MYRIP: variants seen among roughly 807,000 people sequenced by gnomAD.
MYRIP encodes myosin VIIA and Rab interacting protein.
In MYRIP, 49 loss-of-function variants were observed where a neutral mutation model predicts 98.0. The observed-to-expected ratio is 0.50, with a 90% CI of 0.40 to 0.63. MYRIP has a LOEUF of 0.63. Ranked by LOEUF, MYRIP falls within the 30% of genes least tolerant of loss-of-function variation. MYRIP has a pLI of 0.00. For synonymous variants in MYRIP, 404 were observed against 409.5 expected (o/e 0.99, Z 0.16); for missense variants, 1,004 against 1,058.2 (o/e 0.95, Z 0.71).
intron 11 of MYRIP, among the ~76,000 whole-genome samples, chr3:40,212,758 G>T (rs1951999524): frequency 6.6e-6 from 1 of 151,518 alleles, no homozygotes; most frequent in Non-Finnish European, 1.5e-5. Context: ...AAATATATAA[G>T]TAAATAAAAA....
intron 2 of MYRIP, among the ~76,000 whole-genome samples, chr3:39,926,125 A>G (rs1490935956): frequency 6.6e-6 from 1 of 152,012 alleles, no homozygotes. Flanking sequence ...GGTTGCTTGT[A>G]TGTCGTCTTT....
intron 2 of MYRIP, among the ~76,000 whole-genome samples, chr3:39,969,221 TG>T (rs1158197036): frequency 6.6e-6 from 1 of 152,218 alleles, no homozygotes; most frequent in East Asian, 1.9e-4. Flanking sequence ...GGAGGAGTTT[TG>T]GGGCCGAGAC....
chr3:39,930,604 C>A (rs1207273837), intron 2 of MYRIP, among the ~76,000 whole-genome samples: 1 of 151,862 alleles, frequency 6.6e-6, no homozygotes, highest in Non-Finnish European at 1.5e-5. Context: ...ATTGCCTATC[C>A]AAGGTTGTAA....
chr3:40,196,169 G>A (rs186254589), intron 10 of MYRIP, among the ~76,000 whole-genome samples: 1 of 149,422 alleles, frequency 6.7e-6, no homozygotes, highest in East Asian at 2.0e-4. Flanking sequence ...TTTTTTTACT[G>A]GTGTCTTTGA....
chr3:39,977,643 T>C (rs971835383), intron 2 of MYRIP, among the ~76,000 whole-genome samples: 1 of 152,130 alleles, frequency 6.6e-6, no homozygotes, highest in Non-Finnish European at 1.5e-5. Flanking sequence ...AATGGAGATC[T>C]CCATAAAACT....
At chr3:39,945,505 A>G (rs1184617497) in intron 2 of MYRIP, among the ~76,000 whole-genome samples, 1 of 150,868 alleles carries the variant, frequency 6.6e-6, no homozygotes, top group Non-Finnish European at 1.5e-5. Flanking sequence ...AAAAGAAAAA[A>G]AAAGAATGTA....
chr3:39,901,390 A>G (rs893461109), intron 2 of MYRIP, among the ~76,000 whole-genome samples: 1 of 152,188 alleles, frequency 6.6e-6, no homozygotes, highest in Non-Finnish European at 1.5e-5. Flanking sequence ...CCAGGCTGGG[A>G]TGGGATCACC....
intron 10 of MYRIP, among the ~76,000 whole-genome samples, chr3:40,193,228 T>C (rs927034065): frequency 2.6e-5 from 4 of 152,148 alleles, no homozygotes; most frequent in African/African-American, 7.2e-5. Flanking sequence ...ATTGTAGAAG[T>C]CTATCCAGGG....
At chr3:39,942,249 G>A (rs1281087850) in intron 2 of MYRIP, among the ~76,000 whole-genome samples, 2 of 152,098 alleles carry the variant, frequency 1.3e-5, no homozygotes, top group Non-Finnish European at 2.9e-5. Flanking sequence ...AGTTTCCTTT[G>A]ATCCCATTGT....
chr3:40,110,587 C>A (rs1378579363), intron 3 of MYRIP, among the ~76,000 whole-genome samples: 2 of 152,188 alleles, frequency 1.3e-5, no homozygotes, highest in Non-Finnish European at 1.5e-5. Flanking sequence ...CCTGGGGATA[C>A]AACACCTCCC....
chr3:39,809,039 T>C (rs1412714942), upstream of MYRIP: 1 of 152,298 alleles, frequency 6.6e-6, no homozygotes, highest in East Asian at 1.9e-4. Flanking sequence ...AGTAAATTTA[T>C]GGGAGAATTA....
intron 2 of MYRIP, among the ~76,000 whole-genome samples, chr3:40,023,730 C>G (rs542003676): frequency 6.6e-6 from 1 of 152,180 alleles, no homozygotes; most frequent in East Asian, 1.9e-4. Context: ...TTCCAGCCCC[C>G]TGTGCTACAC....
rs1201565731 is a variant in MYRIP at position 39,809,877 on chromosome 3, T to C, written c.-70T>C. The stretch of plus-strand genomic sequence containing the variant: ...GTGGCCTGAGCCCGGCCGCCATCGA[T>C]GACCCCGGTCGCGGACTTGCTTCAG... On this transcript the variant is annotated 5_prime_UTR_variant, in exon 1 of 17. It removes an upstream start codon present in the reference 5' UTR. Transcript: ENST00000302541. 3 of 152,392 alleles carry C rather than the reference T, an allele frequency of 2.0e-5. No homozygotes were observed. The highest frequency in any genetic ancestry group is 2.9e-5 in the Non-Finnish European group (2 of 68,178). The allele number at this position is 152,392 out of a possible 1,614,324, so 9.4% of individuals were successfully genotyped here. A position where few individuals can be genotyped will look rare whatever the true frequency, so the allele number is the denominator to read the frequency against.
chr3:40,095,930 C>T (rs1948821720), intron 3 of MYRIP, among the ~76,000 whole-genome samples: 1 of 151,552 alleles, frequency 6.6e-6, no homozygotes, highest in African/African-American at 2.4e-5. Context: ...TTTTTTCTCA[C>T]ACACACACAT....
chr3:39,915,615 G>A (rs1944134910), intron 2 of MYRIP, among the ~76,000 whole-genome samples: 1 of 151,816 alleles, frequency 6.6e-6, no homozygotes, highest in African/African-American at 2.4e-5. Flanking sequence ...CAAAGTAAAA[G>A]GGATCTTATC....
intron 1 of MYRIP, among the ~76,000 whole-genome samples, chr3:39,822,225 G>A (rs1257747024): frequency 6.6e-6 from 1 of 152,142 alleles, no homozygotes; most frequent in South Asian, 2.1e-4. Flanking sequence ...ATGTAGTGAT[G>A]TTTCAATATA....
At chr3:39,975,685 T>G (rs1437137174) in intron 2 of MYRIP, among the ~76,000 whole-genome samples, 6 of 152,160 alleles carry the variant, frequency 3.9e-5, no homozygotes, top group Non-Finnish European at 7.3e-5. Context: ...AGCATGGTAC[T>G]GGTACCAAAA....
intron 2 of MYRIP, among the ~76,000 whole-genome samples, chr3:40,034,552 T>C (rs1008061164): frequency 7.9e-5 from 12 of 151,294 alleles, no homozygotes; most frequent in African/African-American, 2.2e-4. Flanking sequence ...AGAATGGCAA[T>C]CATTAAAAAG....
At chr3:40,060,614 A>AGAGAGAGAGAGAGAGAGAGG (rs894059877) in intron 3 of MYRIP, among the ~76,000 whole-genome samples, 47 of 151,490 alleles carry the variant, frequency 3.1e-4, no homozygotes, top group African/African-American at 1.1e-3. Flanking sequence ...AGAGAGAGAG[A>AGAGAGAGAGAGAGAGAGAGG]GAGATTCGCT....
Sources: allele counts gnomAD v4.1 joint callset (sites outside exome capture counted in the v4.1 genomes callset), GRCh38; gene constraint gnomAD v4.1.1; transcripts MANE v1.5; gene names NCBI Gene and HGNC (gene_info 2026-07-23, HGNC 2026-07-21).